Variants in MVB12A observed in about 807,000 individuals in gnomAD.
MVB12A encodes the protein multivesicular body subunit 12A.
A neutral mutation model predicts 34.3 loss-of-function variants in MVB12A; 30 were observed. The ratio of observed to expected loss-of-function variants is 0.88; its 90% CI spans 0.65 to 1.19. The LOEUF (loss-of-function observed/expected upper bound fraction) is 1.19, where lower values mean the gene tolerates loss of function less well. Ranked by LOEUF, MVB12A falls within the 50% of genes most tolerant of loss-of-function variation. The pLI, the probability that MVB12A is intolerant of heterozygous loss-of-function variation, is 0.00. For synonymous variants in MVB12A, 158 were observed against 158.9 expected (o/e 0.99, Z 0.04); for missense variants, 355 against 369.2 (o/e 0.96, Z 0.31).
At chr19:17,421,025 G>A (rs1377579403) in intron 3 of MVB12A, 4 of 469,232 alleles carry the variant, frequency 8.5e-6, no homozygotes, top group Middle Eastern at 3.1e-4. Context: ...CTCATTCTCC[G>A]TCCTCCGTCA....
At chr19:17,419,988 C>G (rs2074825293), upstream of MVB12A, 4 of 454,282 alleles carry the variant, frequency 8.8e-6, no homozygotes, top group East Asian at 1.5e-4. Flanking sequence ...CTCGGGCACG[C>G]GTATACTGCG....
intron 3 of MVB12A, 59 bp downstream of exon 3, chr19:17,420,693 G>C (rs1293758734): frequency 9.9e-6 from 13 of 1,313,944 alleles, no homozygotes; most frequent in Non-Finnish European, 1.4e-5. Context: ...GAGCGGGGGA[G>C]GAGGGACGAC....
At chr19:17,419,668 C>T (rs1382253332), upstream of MVB12A, 1 of 152,842 alleles carries the variant, frequency 6.5e-6, no homozygotes, top group Non-Finnish European at 1.5e-5. Context: ...ATGATCCGCC[C>T]GCCTCCGCCT....
chr19:17,405,859 C>T (rs987019687), intron 1 of MVB12A: 21 of 344,758 alleles, frequency 6.1e-5, no homozygotes, highest in South Asian at 2.0e-4. Flanking sequence ...GACACTCCAT[C>T]TTAAGTCCCT....
At chr19:17,413,765 G>C (rs1448841169) in intron 2 of MVB12A, among the ~76,000 whole-genome samples, 1 of 152,152 alleles carries the variant, frequency 6.6e-6, no homozygotes, top group East Asian at 1.9e-4. Flanking sequence ...AACTGCCTTT[G>C]GAAGGTCCTC....
upstream of MVB12A, chr19:17,420,022 C>CCT (rs1478401552): frequency 2.2e-6 from 1 of 462,366 alleles, no homozygotes; most frequent in Non-Finnish European, 3.3e-6. Context: ...TCCGCCCCCC[C>CCT]CCCCCGCATG....
At chr19:17,410,800 G>T (rs2074764387) in intron 2 of MVB12A, among the ~76,000 whole-genome samples, 2 of 143,676 alleles carry the variant, frequency 1.4e-5, no homozygotes, top group South Asian at 2.2e-4. Context: ...GTAGTGGCAG[G>T]TGCCTGTAAT....
At position 17,420,510 on chromosome 19, in the gene MVB12A, C is replaced by G. The variant is rs567872604; in HGVS notation, c.190-28C>G. 4.4e-6 allele frequency: 7 copies of G among 1,590,720 alleles called. No homozygotes were observed. The South Asian group carries it at 7.7e-5, about 18-fold the overall frequency. On this transcript the variant is annotated intron_variant, in intron 2 of 8. Transcript: ENST00000317040. ...GTGCGCTGTCCCCGCTGCTAGCCAC[C>G]CTCGCCGTGTCCCCCTTCCACCCCC...
At chr19:17,419,286 A>G (rs1168073132), upstream of MVB12A, 3 of 152,126 alleles carry the variant, frequency 2.0e-5, no homozygotes, top group African/African-American at 7.2e-5. Flanking sequence ...CTCCTTCTCC[A>G]TTCCTGGCCA....
rs1009212414 is a variant in MVB12A, at chr19:17,420,160, T to G, written c.25T>G (p.Ser9Ala). 1.4e-6 allele frequency: 2 copies of G among 1,389,850 alleles called. No individual in the cohort carries two copies. The highest frequency in any genetic ancestry group is 3.0e-5 in the African/African-American group (2 of 65,782). 86.1% of individuals were successfully genotyped at this position (1,389,850 alleles called of 1,614,324 possible). A position where few individuals can be genotyped will look rare whatever the true frequency, so the allele number is the denominator to read the frequency against. The change falls in exon 1 of 9, where the codon TCG becomes GCG. Residue 9 changes from serine (S) to alanine (A), a missense_variant. By Grantham distance (99) the Ser-to-Ala change is moderately conservative (BLOSUM62 1). Coordinates refer to ENST00000317040, the MANE Select transcript of MVB12A (RefSeq NM_138401.4). MDPVPGTD[S>A]APLAGLAWSS... ...GATGGATCCCGTACCCGGGACAGAC[T>G]CGGCGCCGCTGGCTGGCCTGGCCTG...
intron 3 of MVB12A, chr19:17,421,180 C>CTTT: frequency 1.7e-5 from 4 of 235,264 alleles, no homozygotes; most frequent in African/African-American, 3.5e-5. Flanking sequence ...AGTTGGCAAA[C>CTTT]CTTTTTTTTT....
At chr19:17,410,529 T>TACACACACACACACACAC (rs1185077317) in intron 2 of MVB12A, among the ~76,000 whole-genome samples, 12 of 74,434 alleles carry the variant, frequency 1.6e-4, no homozygotes, top group South Asian at 5.5e-4. Context: ...TATATATATA[T>TACACACACACACACACAC]ACACACACAC....
chr19:17,417,437 C>T (rs1250010458), upstream of MVB12A: 1 of 151,938 alleles, frequency 6.6e-6, no homozygotes, highest in African/African-American at 2.4e-5. Flanking sequence ...GAAACCCCAT[C>T]TCTACTAAAA....
intron 4 of MVB12A, 116 bp downstream of exon 4, chr19:17,422,574 C>T: frequency 9.9e-7 from 1 of 1,013,122 alleles, no homozygotes; most frequent in Non-Finnish European, 1.4e-6. Context: ...ACCTTCTGAG[C>T]CTCAGATTCT....
intron 3 of MVB12A, chr19:17,420,918 T>C (rs1271624907): frequency 6.2e-6 from 4 of 646,278 alleles, no homozygotes; most frequent in Non-Finnish European, 8.6e-6. Flanking sequence ...TTTTACACCA[T>C]AGCCAAGCAA....
upstream of MVB12A, among the ~76,000 whole-genome samples, chr19:17,416,745 G>C (rs1184838310): frequency 7.0e-6 from 1 of 142,774 alleles, no homozygotes; most frequent in Non-Finnish European, 1.5e-5. Flanking sequence ...TGTCACCCAA[G>C]CTGGAGTGCA....
intron 8 of MVB12A, 94 bp from the exon 9 acceptor site, chr19:17,424,837 C>A: frequency 8.3e-7 from 1 of 1,197,902 alleles, no homozygotes; most frequent in Non-Finnish European, 1.2e-6. Flanking sequence ...CCACTCAAGT[C>A]CCTAAGTACC....
chr19:17,419,889 C>CT (rs36088655), upstream of MVB12A: 10,926 of 373,384 alleles, frequency 0.029, 551 homozygotes, highest in African/African-American at 0.14. Context: ...CCGGCAAGAC[C>CT]TTTTTTTCCG....
chr19:17,416,999 GT>G, upstream of MVB12A: 1 of 310,076 alleles, frequency 3.2e-6, no homozygotes, highest in South Asian at 2.7e-5. Flanking sequence ...GGCATAGAAA[GT>G]TTTTCTCATC....
Sources: allele counts gnomAD v4.1 joint callset (sites outside exome capture counted in the v4.1 genomes callset), GRCh38; gene constraint gnomAD v4.1.1; transcripts MANE v1.5; gene names NCBI Gene and HGNC (gene_info 2026-07-23, HGNC 2026-07-21).